The following PPP2R3B variants were observed in gnomAD, a reference collection of about 807,000 sequenced individuals.
PPP2R3B encodes serine/threonine-protein phosphatase 2A regulatory subunit B'' subunit beta.
Under a neutral mutation model 72.9 loss-of-function variants are expected in PPP2R3B, and 68 were observed. The observed-to-expected ratio is 0.93, with a 90% CI of 0.77 to 1.14. The LOEUF (loss-of-function observed/expected upper bound fraction) is 1.14. PPP2R3B is among the 50% of genes most tolerant of loss of function. The pLI is 0.00. For missense variants in PPP2R3B, 1,018 were observed against 842.0 expected, an observed-to-expected ratio of 1.21 and a Z score of -2.59; for synonymous variants, 466 against 375.8, an observed-to-expected ratio of 1.24 and a Z score of -2.78.
intron 2 of PPP2R3B, among the ~76,000 whole-genome samples, chrX:356,046 G>A (rs1205540209): frequency 2.0e-5 from 3 of 152,200 alleles, no homozygotes; most frequent in Non-Finnish European, 2.9e-5. Context: ...AAAGAAACAC[G>A]TAAGGTGGTC....
chrX:358,027 C>A (rs1350653150), intron 2 of PPP2R3B, among the ~76,000 whole-genome samples: 1 of 152,156 alleles, frequency 6.6e-6, no homozygotes, highest in Non-Finnish European at 1.5e-5. Flanking sequence ...AAGCAGCCGC[C>A]GGCCAAAGTC....
At chrX:338,546 C>T (rs762438251) in intron 12 of PPP2R3B, 58 bp downstream of exon 12, 1 of 1,298,066 alleles carries the variant, frequency 7.7e-7, no homozygotes. Flanking sequence ...ACCCGTCCTC[C>T]CCACTCACCC....
chrX:351,080 G>A (rs1484089069), intron 2 of PPP2R3B, among the ~76,000 whole-genome samples: 1 of 152,162 alleles, frequency 6.6e-6, no homozygotes, highest in African/African-American at 2.4e-5. Flanking sequence ...CTATGGGAAA[G>A]GACGCGCTCC....
At chrX:347,987 G>A (rs1314139262) in intron 2 of PPP2R3B, 2 of 414,790 alleles carry the variant, frequency 4.8e-6, no homozygotes, top group South Asian at 5.0e-5. Flanking sequence ...GAAATCAAGC[G>A]GCACGTACTA....
Position 341,691 on chromosome X carries a change from G to A in PPP2R3B, c.1085+192C>T, listed in dbSNP as rs758746521. 1.8e-4 allele frequency: 129 copies of A among 711,908 alleles called. 1 individual carries two copies. The Admixed American group carries it at 2.1e-3, about 11-fold the overall frequency. The allele number at this position is 711,908 out of a possible 1,614,324, so 44.1% of individuals were successfully genotyped here. A position where few individuals can be genotyped will look rare whatever the true frequency, so the allele number is the denominator to read the frequency against. On this transcript the variant is annotated intron_variant, in intron 8 of 12. Transcript: ENST00000390665. ...TGGGCCACCCCCTTCCTCAGACTTC[G>A]CGTGACAGTCTTGTGCCACCCCCCC...
In PPP2R3B at chrX:386,612, C is replaced by A; in HGVS notation, c.80G>T (p.Ser27Ile). The change falls in exon 1 of 13, where the codon AGC becomes ATC. Residue 27 changes from serine to isoleucine, a missense_variant. Physicochemically the swap from Ser to Ile is moderately radical, Grantham distance 142 (BLOSUM62 -2). Transcript: ENST00000390665. The stretch of plus-strand genomic sequence containing the variant: ...GCAGTCCTGCAGCATCCGCTGCGTG[C>A]TGGCCTCGCTGAGCCAGTACAGGAA... The part of the protein sequence containing the change: ...ELFLYWLSEA[S>I]TQRMLQDCLR... 6.9e-7 allele frequency: 1 copy of A among 1,447,472 alleles called. No individual in the cohort carries two copies. The highest frequency in any genetic ancestry group is 9.1e-7 in the Non-Finnish European group (1 of 1,100,980). The allele number at this position is 1,447,472 out of a possible 1,614,324, so 89.7% of individuals were successfully genotyped here. A position where few individuals can be genotyped will look rare whatever the true frequency, so the allele number is the denominator to read the frequency against.
chrX:341,354 G>A lies in PPP2R3B; in HGVS notation c.1128C>T (p.Asp376=), dbSNP rs200561809. Residue 376 remains aspartate (D), a synonymous_variant, in exon 9 of 13, where the codon GAC becomes GAT. Transcript: ENST00000390665. ...VQKEGKISYA[D]FVWFLISEED... ...CCTCAGAGATCAAAAACCAGACAAA[G>A]TCGGCATAGCTGATCTTCCCTTCCT... 1.8e-5 allele frequency: 29 copies of A among 1,612,728 alleles called. No individual in the cohort carries two copies. The East Asian group carries it at 6.2e-4, about 35-fold the overall frequency.
rs367857634 is a variant in PPP2R3B at position 338,767 on chromosome X, G to T, written c.1470+11C>A. 9.3e-6 allele frequency: 15 copies of T among 1,612,052 alleles called. No individual in the cohort carries two copies. Among genetic ancestry groups the T allele is most frequent in the African/African-American group, 1.3e-5 (1 of 74,924 alleles). ...GTGGCGCGGCCCGGCCCGCGTGCCC[G>T]CCGCACTCACCCTGAGCAGGGAGAT... On this transcript the variant is annotated intron_variant, in intron 11 of 12. Coordinates refer to ENST00000390665, the MANE Select transcript of PPP2R3B (RefSeq NM_013239.5).
chrX:363,978 C>T (rs768530423), intron 1 of PPP2R3B, among the ~76,000 whole-genome samples: 92 of 152,378 alleles, frequency 6.0e-4, no homozygotes, highest in Middle Eastern at 6.8e-3. Flanking sequence ...GTCTTCTAGA[C>T]GGCGCCCACA....
rs775504051 is a variant in PPP2R3B, at chrX:345,138, T to C, written c.1036+378A>G. The C allele has an allele frequency of 7.0e-4, 353 of 506,314 alleles. 2 individuals are homozygous for C. The highest frequency in any genetic ancestry group is 6.1e-3 in the African/African-American group (319 of 52,220). The allele number at this position is 506,314 out of a possible 1,614,324, so 31.4% of individuals were successfully genotyped here. A position where few individuals can be genotyped will look rare whatever the true frequency, so the allele number is the denominator to read the frequency against. On this transcript the variant is annotated intron_variant, in intron 7 of 12. Coordinates refer to ENST00000390665, the MANE Select transcript of PPP2R3B (RefSeq NM_013239.5). The stretch of plus-strand genomic sequence containing the variant: ...TAGCCCGGGATTGGATGGAAACTGC[T>C]CCAGGCCTTGGGGGCTGGAACCTGG...
At chrX:361,869 A>T (rs1181826141) in intron 1 of PPP2R3B, among the ~76,000 whole-genome samples, 3 of 152,306 alleles carry the variant, frequency 2.0e-5, no homozygotes, top group Middle Eastern at 3.4e-3. Flanking sequence ...CCTGGGGACA[A>T]GGGCAGCTAC....
intron 1 of PPP2R3B, among the ~76,000 whole-genome samples, chrX:364,580 T>C (rs2071652680): frequency 7.0e-6 from 1 of 143,212 alleles, no homozygotes; most frequent in African/African-American, 2.6e-5. Context: ...TAGCCGGGTG[T>C]GGTGGAGGGT....
Position 372,907 on chromosome X carries a change from AAC to A in PPP2R3B, c.325-11319_325-11318del, listed in dbSNP as rs1443287702. Among the ~76,000 whole-genome samples, 8 of 152,334 alleles carry A rather than the reference AAC, an allele frequency of 5.3e-5. No individual in the cohort carries two copies. The South Asian group carries it at 1.4e-3, about 28-fold the overall frequency. ...AGCGCCGCTGCACTCCAGCCTGGGA[AAC>A]AGAGAGGCTTCGTCTCAAATAAATA... On this transcript the variant is annotated intron_variant, in intron 1 of 12. Transcript: ENST00000390665.
chrX:336,972 G>A (rs1342469490), intron 12 of PPP2R3B: 1 of 152,226 alleles, frequency 6.6e-6, no homozygotes, highest in Non-Finnish European at 1.5e-5. Context: ...TTTTGTTTTG[G>A]AAATGGAGTT....
At position 371,313 on chromosome X, in the gene PPP2R3B, G is replaced by A. The variant is rs112266284; in HGVS notation, c.325-9723C>T. On this transcript the variant is annotated intron_variant, in intron 1 of 12. Coordinates refer to ENST00000390665, the MANE Select transcript of PPP2R3B (RefSeq NM_013239.5). ...TACGTGTAACACGCCATCGTCACAC[G>A]GGAGCCTCCCCGGACCCACGGCGTG... is the stretch of plus-strand genomic sequence containing the variant. Among the ~76,000 whole-genome samples the A allele has an allele frequency of 1.3e-3, 204 of 152,218 alleles. 1 individual carries two copies. The highest frequency in any genetic ancestry group is 2.9e-3 in the South Asian group (14 of 4,814).
chrX:363,424 A>T (rs1156522041), intron 1 of PPP2R3B, among the ~76,000 whole-genome samples: 8 of 83,102 alleles, frequency 9.6e-5, no homozygotes, highest in East Asian at 4.0e-4. Context: ...CATCTCCCCG[A>T]GCCCGCGATC....
chrX:338,451 G>A, intron 12 of PPP2R3B, 153 bp downstream of exon 12: 1 of 749,368 alleles, frequency 1.3e-6, no homozygotes, highest in Non-Finnish European at 2.2e-6. Context: ...CCCCGTGTCA[G>A]GTCTCACCCC....
In PPP2R3B at chrX:334,284, CCACAACAGTTTTTA is replaced by C. The variant is rs2070823870; in HGVS notation, c.*69_*82del. 10 of 1,366,460 alleles carry C rather than the reference CCACAACAGTTTTTA, an allele frequency of 7.3e-6. No homozygotes were observed. The highest frequency in any genetic ancestry group is 1.5e-5 in the African/African-American group (1 of 64,950). The allele number at this position is 1,366,460 out of a possible 1,614,324, so 84.6% of individuals were successfully genotyped here. On this transcript the variant is annotated 3_prime_UTR_variant, in exon 13 of 13. Coordinates refer to ENST00000390665, the MANE Select transcript of PPP2R3B (RefSeq NM_013239.5). ...CATTCCGTACAAACGCACTCATTTTCCACAACAGTTTTTACACGAGCCGCGGTGGCCCGGTGGTG... is the reference window on the plus strand; with the variant it reads ...CATTCCGTACAAACGCACTCATTTTCCACGAGCCGCGGTGGCCCGGTGGTG...
At chrX:335,315 G>C (rs2070858935) in intron 12 of PPP2R3B, 1 of 152,358 alleles carries the variant, frequency 6.6e-6, no homozygotes, top group Non-Finnish European at 1.5e-5. Context: ...GGCTAGGTCT[G>C]GGGGCCACAG....
Sources: allele counts gnomAD v4.1 joint callset (sites outside exome capture counted in the v4.1 genomes callset), GRCh38; gene constraint gnomAD v4.1.1; transcripts MANE v1.5; gene names NCBI Gene and HGNC (gene_info 2026-07-23, HGNC 2026-07-21).